Variants in EPN1 observed in about 807,000 individuals in gnomAD.
The protein encoded by EPN1 is epsin-1.
EPN1 carries 25 observed loss-of-function variants against 56.9 expected under a neutral mutation model. The observed-to-expected ratio is 0.44, with a 90% CI of 0.32 to 0.61. The LOEUF (loss-of-function observed/expected upper bound fraction) is 0.61. Among genes scored for constraint, EPN1 ranks in the 20% least tolerant of loss-of-function variants. The pLI, the probability that EPN1 is intolerant of heterozygous loss-of-function variation, is 0.05. For synonymous variants in EPN1, 411 were observed against 361.8 expected (o/e 1.14, Z -1.54); for missense variants, 785 against 823.7 (o/e 0.95, Z 0.58).
Position 55,704,073 on chromosome 19 carries a change from T to C in EPN1, c.*8717T>C, listed in dbSNP as rs7255531. On this transcript the variant is annotated 3_prime_UTR_variant, in exon 11 of 11. Transcript: ENST00000270460. ...TTCTCGCCCACACGGAGACAGTCGC[T>C]CTCACACGTACCTCTCGCGGGCTCT... 0.2 allele frequency: 30,185 copies of C among 152,136 alleles called. 3,361 individuals carry two copies. The highest frequency in any genetic ancestry group is 0.3 in the African/African-American group (12,558 of 41,434). 9.4% of individuals were successfully genotyped at this position (152,136 alleles called of 1,614,324 possible).
rs1396494223 is a variant in EPN1, at chr19:55,709,100, C to CCT, written c.*13749_*13750dup. 1 of 1,314,032 alleles carries CCT rather than the reference C, an allele frequency of 7.6e-7. No individual in the cohort carries two copies. The highest frequency in any genetic ancestry group is 1.0e-6 in the Non-Finnish European group (1 of 965,322). The allele number at this position is 1,314,032 out of a possible 1,614,324, so 81.4% of individuals were successfully genotyped here. ...TGTTTTTCATTTTTACACAGTATTG[C>CCT]CTCTCTACATTCTGATGTCTACCTC... On this transcript the variant is annotated 3_prime_UTR_variant, in exon 11 of 11. Coordinates refer to ENST00000270460, the MANE Select transcript of EPN1 (RefSeq NM_001130072.2).
intron 3 of EPN1, 77 bp downstream of exon 3, chr19:55,685,722 A>T: frequency 6.6e-7 from 1 of 1,509,726 alleles, no homozygotes; most frequent in Non-Finnish European, 8.9e-7. Context: ...CCGGCCGCCC[A>T]CTGCTTTCTC....
At chr19:55,684,547 C>T (rs779543067) in intron 2 of EPN1, among the ~76,000 whole-genome samples, 1 of 152,046 alleles carries the variant, frequency 6.6e-6, no homozygotes, top group Non-Finnish European at 1.5e-5. Context: ...GCAGATTGAA[C>T]GATAATGTTC....
rs2122203724 is a variant in EPN1, at chr19:55,689,984, T to C, written c.762+34T>C. The C allele has an allele frequency of 1.9e-6, 3 of 1,552,522 alleles. No homozygotes were observed. The highest frequency in any genetic ancestry group is 2.6e-6 in the Non-Finnish European group (3 of 1,144,198). On this transcript the variant is annotated intron_variant, in intron 6 of 10. Transcript: ENST00000270460. The surrounding 1 kb of genome is among the most constrained non-coding windows in gnomAD (Gnocchi z 5.7). ...GGCTTGTTCTGCCCTCCCTGGCCCCTGCAGGTGTCCGTCCGTCCCATCGCT... is the reference window on the plus strand; with the variant it reads ...GGCTTGTTCTGCCCTCCCTGGCCCCCGCAGGTGTCCGTCCGTCCCATCGCT...
At position 55,700,544 on chromosome 19, in the gene EPN1, GCC is replaced by G. The variant is rs1452245088; in HGVS notation, c.*5189_*5190del. The G allele has an allele frequency of 1.4e-4, 20 of 143,402 alleles. No individual in the cohort carries two copies. Among genetic ancestry groups the G allele is most frequent in the African/African-American group, 5.7e-4 (19 of 33,082 alleles). The allele number at this position is 143,402 out of a possible 1,614,324, so 8.9% of individuals were successfully genotyped here. A position where few individuals can be genotyped will look rare whatever the true frequency, so the allele number is the denominator to read the frequency against. ...CAAAGTGCTGGGATTACAGGCGTGA[GCC>G]ACGGCACCCGGCCCATAATTACAAA... is the stretch of plus-strand genomic sequence containing the variant. On this transcript the variant is annotated 3_prime_UTR_variant, in exon 11 of 11. Transcript: ENST00000270460.
In EPN1 at chr19:55,702,854, G is replaced by A. The variant is rs1449504126; in HGVS notation, c.*7498G>A. The stretch of plus-strand genomic sequence containing the variant: ...CTGTCACCCAGGCTGGAGTGCAGTG[G>A]TGCGATCTCGGCTCACTGCAAGCTC... On this transcript the variant is annotated 3_prime_UTR_variant, in exon 11 of 11. Coordinates refer to ENST00000270460, the MANE Select transcript of EPN1 (RefSeq NM_001130072.2). The A allele has an allele frequency of 2.0e-5, 3 of 151,838 alleles. No homozygotes were observed. The East Asian group carries it at 5.8e-4, about 29-fold the overall frequency. The allele number at this position is 151,838 out of a possible 1,614,324, so 9.4% of individuals were successfully genotyped here. A position where few individuals can be genotyped will look rare whatever the true frequency, so the allele number is the denominator to read the frequency against.
rs1206155511 is a variant in EPN1 at position 55,692,017 on chromosome 19, T to A, written c.1026T>A (p.Ala342=). 1.4e-6 allele frequency: 2 copies of A among 1,473,352 alleles called. No homozygotes were observed. Among genetic ancestry groups the A allele is most frequent in the East Asian group, 4.8e-5 (2 of 41,550 alleles). 91.3% of individuals were successfully genotyped at this position (1,473,352 alleles called of 1,614,324 possible). ...GGGGTGGGACCCCAGCCCCTGCAGC[T>A]GGGGAGGGGCCCACGCCTGATCCAT... ...DPWGGTPAPA[A]GEGPTPDPWG... Residue 342 remains alanine (A), a synonymous_variant, in exon 7 of 11, where the codon GCT becomes GCA. Transcript: ENST00000270460.
intron 3 of EPN1, among the ~76,000 whole-genome samples, chr19:55,688,067 C>T (rs1037811659): frequency 6.6e-6 from 1 of 151,996 alleles, no homozygotes; most frequent in African/African-American, 2.4e-5. Flanking sequence ...GTTGGGAGGG[C>T]GGGGCAGGAG....
chr19:55,694,484 C>G lies in EPN1; in HGVS notation c.1265-242C>G, dbSNP rs1181955184. Reference sequence around the variant, plus strand: ...GCCCTCTGGTTGTCAGAGGGTGACACCTGCTTCTGTCATCCCTCTTGTGTT... The same window carrying G: ...GCCCTCTGGTTGTCAGAGGGTGACAGCTGCTTCTGTCATCCCTCTTGTGTT... On this transcript the variant is annotated intron_variant, in intron 9 of 10. Transcript: ENST00000270460. The surrounding 1 kb of genome is among the most constrained non-coding windows in gnomAD (Gnocchi z 4.2). 9.1e-6 allele frequency: 4 copies of G among 439,340 alleles called. No homozygotes were observed. The highest frequency in any genetic ancestry group is 4.1e-5 in the Admixed American group (1 of 24,500). 27.2% of individuals were successfully genotyped at this position (439,340 alleles called of 1,614,324 possible).
chr19:55,704,432 G>T lies in EPN1; in HGVS notation c.*9076G>T, dbSNP rs773755760. The T allele has an allele frequency of 6.6e-6, 1 of 152,250 alleles. No individual in the cohort carries two copies. The highest frequency in any genetic ancestry group is 2.4e-5 in the African/African-American group (1 of 41,452). The allele number at this position is 152,250 out of a possible 1,614,324, so 9.4% of individuals were successfully genotyped here. On this transcript the variant is annotated 3_prime_UTR_variant, in exon 11 of 11. Coordinates refer to ENST00000270460, the MANE Select transcript of EPN1 (RefSeq NM_001130072.2). ...TCCAATCTGACTGTTATATAGTGGGGTTGCACCTTCATGTGAGGACGCCGG... is the reference window on the plus strand; with the variant it reads ...TCCAATCTGACTGTTATATAGTGGGTTTGCACCTTCATGTGAGGACGCCGG...
At position 55,700,711 on chromosome 19, in the gene EPN1, C is replaced by T. The variant is rs557123316; in HGVS notation, c.*5355C>T. The T allele has an allele frequency of 1.4e-4, 21 of 152,368 alleles. No homozygotes were observed. Among genetic ancestry groups the T allele is most frequent in the African/African-American group, 5.1e-4 (21 of 41,570 alleles). The allele number at this position is 152,368 out of a possible 1,614,324, so 9.4% of individuals were successfully genotyped here. On this transcript the variant is annotated 3_prime_UTR_variant, in exon 11 of 11. Transcript: ENST00000270460. ...ACCTACAGCCTCCTCATGGCCCCTC[C>T]CCTGGAGCACTTAAAAATGGTAATG...
chr19:55,685,638 C>A lies in EPN1; in HGVS notation c.471C>A (p.Thr157=). The part of the protein sequence containing the change: ...ALKTKEKLAQ[T]ATASSAAVGS... ...AGACCAAGGAAAAGCTGGCACAGAC[C>A]GCCACGGGTGAGTCCCTCCCTGCGG... The change falls in exon 3 of 11, where the codon ACC becomes ACA. Residue 157 remains threonine (T), a synonymous_variant. Coordinates refer to ENST00000270460, the MANE Select transcript of EPN1 (RefSeq NM_001130072.2). 1 of 1,595,366 alleles carries A rather than the reference C, an allele frequency of 6.3e-7. No individual in the cohort carries two copies. Among genetic ancestry groups the A allele is most frequent in the Admixed American group, 1.7e-5 (1 of 57,850 alleles).
At chr19:55,678,292 A>G (rs1373230557) in intron 1 of EPN1, among the ~76,000 whole-genome samples, 1 of 152,202 alleles carries the variant, frequency 6.6e-6, no homozygotes, top group Non-Finnish European at 1.5e-5. Context: ...GTGCTGAGCC[A>G]GGTTGTGGGG....
chr19:55,693,049 C>T lies in EPN1; in HGVS notation c.1264+12C>T, dbSNP rs754131088. 3 of 1,608,610 alleles carry T rather than the reference C, an allele frequency of 1.9e-6. No individual in the cohort carries two copies. Among genetic ancestry groups the T allele is most frequent in the Non-Finnish European group, 2.6e-6 (3 of 1,175,936 alleles). ...CGGGAGCAGCGCAGGTGAGCCCCTG[C>T]CCTCCCCTGCCCAGTGGCGAGAGGG... is the stretch of plus-strand genomic sequence containing the variant. On this transcript the variant is annotated intron_variant, in intron 9 of 10. Transcript: ENST00000270460.
chr19:55,685,285 T>TG (rs1986089375), intron 2 of EPN1, 111 bp from the exon 3 acceptor site: 11 of 1,371,838 alleles, frequency 8.0e-6, no homozygotes, highest in Non-Finnish European at 1.1e-5. Context: ...TGGCGACAGG[T>TG]GGGTTGTGGG....
chr19:55,692,102 A>G (rs893888820), intron 7 of EPN1, 45 bp downstream of exon 7: 2 of 1,388,670 alleles, frequency 1.4e-6, no homozygotes, highest in Admixed American at 3.3e-5. Flanking sequence ...GCCTGTGTGC[A>G]CCTGTCTTTG....
At chr19:55,680,294 AC>A (rs1170547819) in intron 2 of EPN1, among the ~76,000 whole-genome samples, 3 of 151,852 alleles carry the variant, frequency 2.0e-5, no homozygotes, top group African/African-American at 7.3e-5. Context: ...GGTTTTTGTC[AC>A]CCCCAAGACC....
chr19:55,680,209 C>T (rs1020912374), intron 2 of EPN1, among the ~76,000 whole-genome samples: 15 of 152,266 alleles, frequency 9.9e-5, no homozygotes, highest in South Asian at 2.1e-4. Flanking sequence ...TGAAACCCAG[C>T]CTTTCGAGAT....
rs202062027 is a variant in EPN1, at chr19:55,685,382, G to A, written c.229-14G>A. 28 of 1,606,626 alleles carry A rather than the reference G, an allele frequency of 1.7e-5. No individual in the cohort carries two copies. Among genetic ancestry groups the A allele is most frequent in the South Asian group, 1.0e-4 (9 of 89,874 alleles). ...CCCGGCGTGCTGACCGGGCATCCCC[G>A]TGCCCGCTCGCAGGCCATGACGCTG... On this transcript the variant is annotated splice_polypyrimidine_tract_variant and intron_variant, in intron 2 of 10. Transcript: ENST00000270460.
Sources: allele counts gnomAD v4.1 joint callset (sites outside exome capture counted in the v4.1 genomes callset), GRCh38; gene constraint gnomAD v4.1.1; non-coding constraint Gnocchi (gnomAD v3.1); transcripts MANE v1.5; gene names NCBI Gene and HGNC (gene_info 2026-07-23, HGNC 2026-07-21).